Variants in ARHGEF40 observed in about 807,000 individuals in gnomAD.
ARHGEF40 encodes Rho guanine nucleotide exchange factor 40.
In ARHGEF40, 98 loss-of-function variants were observed where a neutral mutation model predicts 165.9. The observed-to-expected ratio is 0.59, with a 90% CI of 0.50 to 0.70. The LOEUF is 0.70. Ranked by LOEUF, ARHGEF40 falls within the 30% of genes least tolerant of loss-of-function variation. The pLI, the probability that ARHGEF40 is intolerant of heterozygous loss-of-function variation, is 0.00. For missense variants in ARHGEF40, 1,815 were observed against 1,968.0 expected, an observed-to-expected ratio of 0.92 and a Z score of 1.47; for synonymous variants, 792 against 814.3, an observed-to-expected ratio of 0.97 and a Z score of 0.47.
rs780570655 is a variant in ARHGEF40, at chr14:21,079,029, G to A, written c.2373+19G>A. 26 of 1,607,312 alleles carry A rather than the reference G, an allele frequency of 1.6e-5. No homozygotes were observed. Among genetic ancestry groups the A allele is most frequent in the South Asian group, 6.6e-5 (6 of 90,736 alleles). On this transcript the variant is annotated intron_variant, in intron 11 of 23. Coordinates refer to ENST00000298694, the MANE Select transcript of ARHGEF40 (RefSeq NM_018071.5). The stretch of plus-strand genomic sequence containing the variant: ...CCAGCAGGTGAGCCAGGATCCCCAC[G>A]TCCCTCTTACTCAGCCTGGGAGTGT...
intron 11 of ARHGEF40, among the ~76,000 whole-genome samples, chr14:21,079,820 T>A (rs1021105875): frequency 5.3e-5 from 8 of 152,174 alleles, no homozygotes; most frequent in African/African-American, 1.9e-4. Flanking sequence ...CTTACCTGCT[T>A]GTTAGCTGTT....
chr14:21,078,225 C>G lies in ARHGEF40; in HGVS notation c.2083C>G (p.Arg695Gly). 1 of 1,613,902 alleles carries G rather than the reference C, an allele frequency of 6.2e-7. No homozygotes were observed. The highest frequency in any genetic ancestry group is 8.5e-7 in the Non-Finnish European group (1 of 1,179,976). Reference protein sequence around the residue: ...RLCQGVLGSVRQAIEELEGAA... With the variant: ...RLCQGVLGSVGQAIEELEGAA... ...GTGCCAAGGTGTGCTGGGCTCGGTA[C>G]GGCAGGCCATTGAGGAGCTGGAGGG... The change falls in exon 9 of 24, where the codon CGG becomes GGG. Residue 695 changes from arginine (R) to glycine (G), a missense_variant. Transcript: ENST00000298694.
chr14:21,081,106 T>C, intron 13 of ARHGEF40, 90 bp downstream of exon 13: 1 of 1,522,486 alleles, frequency 6.6e-7, no homozygotes, highest in Non-Finnish European at 8.8e-7. Context: ...TTGTTAAAAG[T>C]GGAGGCTGAG....
At chr14:21,078,298 G>A (rs1305909998) in intron 9 of ARHGEF40, 26 bp downstream of exon 9, 2 of 1,610,980 alleles carry the variant, frequency 1.2e-6, no homozygotes, top group South Asian at 2.2e-5. Flanking sequence ...GGACAGTGGG[G>A]GGATGGGATT....
intron 13 of ARHGEF40, 42 bp from the exon 14 acceptor site, chr14:21,081,467 C>G: frequency 6.2e-7 from 1 of 1,606,324 alleles, no homozygotes; most frequent in South Asian, 1.1e-5. Context: ...AACACAGGCC[C>G]TTACCCTTTC....
chr14:21,082,222 G>A lies in ARHGEF40; in HGVS notation c.3252-22G>A, dbSNP rs757945816. On this transcript the variant is annotated intron_variant, in intron 14 of 23. Transcript: ENST00000298694. ...ACTGGCTCCCTCCCACACCTCCTCT[G>A]CCACTCCTATTGTGCCTGCAGTGCC... The A allele has an allele frequency of 4.4e-6, 7 of 1,593,886 alleles. No individual in the cohort carries two copies. In the East Asian group the frequency reaches 1.1e-4, roughly 26 times the overall value.
At position 21,088,822 on chromosome 14, in the gene ARHGEF40, C is replaced by G; in HGVS notation, c.4519-8C>G. 3 of 1,607,522 alleles carry G rather than the reference C, an allele frequency of 1.9e-6. No individual in the cohort carries two copies. Among genetic ancestry groups the G allele is most frequent in the Non-Finnish European group, 2.6e-6 (3 of 1,175,962 alleles). On this transcript the variant is annotated splice_region_variant and splice_polypyrimidine_tract_variant and intron_variant, in intron 22 of 23. Coordinates refer to ENST00000298694, the MANE Select transcript of ARHGEF40 (RefSeq NM_018071.5). ...TCCCTAAATTCACTGTAGCTTCTCT[C>G]CCCCCAGAGTCATGCTCGAGCCCTG...
In ARHGEF40 at chr14:21,074,188, T is replaced by C; in HGVS notation, c.458T>C (p.Ile153Thr). 1.2e-6 allele frequency: 2 copies of C among 1,614,100 alleles called. No homozygotes were observed. Among genetic ancestry groups the C allele is most frequent in the Non-Finnish European group, 1.7e-6 (2 of 1,180,022 alleles). ...TTCACACCTGAGTGGCTACAAGGCA[T>C]CAACAAGGACCGGCCAACAGGTCGC... ...YLFTPEWLQG[I>T]NKDRPTGRLS... The change falls in exon 3 of 24, where the codon ATC becomes ACC. Residue 153 changes from isoleucine (I) to threonine (T), a missense_variant. Transcript: ENST00000298694. This position sits in a 1 kb window ranked among gnomAD's most constrained non-coding sequence, Gnocchi z 4.8.
At chr14:21,067,303 C>T (rs1249389436), upstream of ARHGEF40, among the ~76,000 whole-genome samples, 3 of 151,432 alleles carry the variant, frequency 2.0e-5, no homozygotes, top group Non-Finnish European at 2.9e-5. Flanking sequence ...CTCTGACCCA[C>T]GGGGACATAT....
chr14:21,087,569 C>G (rs909526504), intron 21 of ARHGEF40, 106 bp downstream of exon 21: 1 of 1,481,496 alleles, frequency 6.7e-7, no homozygotes, highest in East Asian at 2.3e-5. Flanking sequence ...AGCCCAGTTG[C>G]CATGACAACT....
chr14:21,062,948 T>TAAA, the ARHGEF40 span, among the ~76,000 whole-genome samples: 2,107 of 128,112 alleles, frequency 0.016, 84 homozygotes, highest in African/African-American at 0.059. Context: ...ACCTTGTCTC[T>TAAA]AAAAAAAAAA....
chr14:21,070,417 G>A lies in ARHGEF40; in HGVS notation c.3+18G>A. 1.4e-6 allele frequency: 2 copies of A among 1,413,682 alleles called. No homozygotes were observed. Among genetic ancestry groups the A allele is most frequent in the Non-Finnish European group, 1.8e-6 (2 of 1,092,828 alleles). The allele number at this position is 1,413,682 out of a possible 1,614,324, so 87.6% of individuals were successfully genotyped here. ...GAGCCATGGTGAGTCCAGCGTCGCA[G>A]CCCCCTGGGTCCCCTCGGCCTTCGC... On this transcript the variant is annotated intron_variant, in intron 1 of 23. Transcript: ENST00000298694. This position sits in a 1 kb window ranked among gnomAD's most constrained non-coding sequence, Gnocchi z 4.7.
At chr14:21,068,595 A>G (rs554129635), upstream of ARHGEF40, among the ~76,000 whole-genome samples, 24 of 152,186 alleles carry the variant, frequency 1.6e-4, no homozygotes, top group East Asian at 1.4e-3. Context: ...GCCCCTGGGC[A>G]GTATTTACGG....
chr14:21,084,797 C>T lies in ARHGEF40; in HGVS notation c.3834C>T (p.Phe1278=). ...EQGQLLHRDP[F]TVICGRKKCL... is the part of the protein sequence containing the mutation. ...GACAGCTCTTGCATCGAGACCCCTT[C>T]ACTGTCATCTGTGGCCGAAAGAAGT... Residue 1278 remains phenylalanine (F), a synonymous_variant, in exon 18 of 24, where the codon TTC becomes TTT. Transcript: ENST00000298694. 1 of 1,614,172 alleles carries T rather than the reference C, an allele frequency of 6.2e-7. No homozygotes were observed. Among genetic ancestry groups the T allele is most frequent in the East Asian group, 2.2e-5 (1 of 44,888 alleles).
rs542117445 is a variant in ARHGEF40, at chr14:21,081,289, T to A, written c.2641-220T>A. The stretch of plus-strand genomic sequence containing the variant: ...GCACAGAGCCTGCCACTCATAAATG[T>A]CGTATGAGTACCGGTTATTCTTTTA... On this transcript the variant is annotated intron_variant, in intron 13 of 23. Transcript: ENST00000298694. The A allele has an allele frequency of 5.2e-5, 40 of 774,576 alleles. No individual in the cohort carries two copies. The African/African-American group carries it at 6.7e-4, about 13-fold the overall frequency. 48.0% of individuals were successfully genotyped at this position (774,576 alleles called of 1,614,324 possible).
At chr14:21,061,478 G>A in the ARHGEF40 span, among the ~76,000 whole-genome samples, 1 of 152,112 alleles carries the variant, frequency 6.6e-6, no homozygotes, top group African/African-American at 2.4e-5. Flanking sequence ...CACTCTGAGG[G>A]TAATGACACA....
chr14:21,075,727 G>T lies in ARHGEF40; in HGVS notation c.1701G>T (p.Thr567=). 6.2e-7 allele frequency: 1 copy of T among 1,613,536 alleles called. No individual in the cohort carries two copies. Among genetic ancestry groups the T allele is most frequent in the Non-Finnish European group, 8.5e-7 (1 of 1,179,948 alleles). ...AGGAGCCCCCACCCTCCCGAGACAC[G>T]CTGAACACAACTCTTCATTACCTCC... The part of the protein sequence containing the change: ...PPEEPPPSRD[T]LNTTLHYLHS... The change falls in exon 5 of 24, where the codon ACG becomes ACT. Residue 567 remains threonine, a synonymous_variant. Coordinates refer to ENST00000298694, the MANE Select transcript of ARHGEF40 (RefSeq NM_018071.5). The surrounding 1 kb of genome is among the most constrained non-coding windows in gnomAD (Gnocchi z 4.5).
chr14:21,075,412 A>G lies in ARHGEF40; in HGVS notation c.1531A>G (p.Ile511Val), dbSNP rs765198173. The G allele has an allele frequency of 2.9e-5, 47 of 1,614,120 alleles. No individual in the cohort carries two copies. Among genetic ancestry groups the G allele is most frequent in the Non-Finnish European group, 4.0e-5 (47 of 1,180,054 alleles). Residue 511 changes from isoleucine to valine, a missense_variant, in exon 4 of 24, where the codon ATT (isoleucine) becomes GTT (valine). Transcript: ENST00000298694. The surrounding 1 kb of genome is among the most constrained non-coding windows in gnomAD (Gnocchi z 4.5). Reference sequence around the variant, plus strand: ...TGTGCAGGAAGGAAAAGGGGACAACATTCCAGAAGAGGCCCTTGCAGTCTC... The same window carrying G: ...TGTGCAGGAAGGAAAAGGGGACAACGTTCCAGAAGAGGCCCTTGCAGTCTC... ...ETVQEGKGDN[I>V]PEEALAVSVS...
At position 21,081,826 on chromosome 14, in the gene ARHGEF40, G is replaced by A. The variant is rs771900988; in HGVS notation, c.2958G>A (p.Ser986=). Residue 986 remains serine, a synonymous_variant, in exon 14 of 24, where the codon TCG becomes TCA. Transcript: ENST00000298694. ...GGAQWGPRSP[S]PSLSSLLLPS... ...CCCAGTGGGGGCCCCGCAGCCCCTCGCCCAGCCTCAGCTCCTTGCTGCTCC... is the reference window on the plus strand; with the variant it reads ...CCCAGTGGGGGCCCCGCAGCCCCTCACCCAGCCTCAGCTCCTTGCTGCTCC... The A allele has an allele frequency of 1.6e-5, 26 of 1,607,842 alleles. 1 individual carries two copies. Among genetic ancestry groups the A allele is most frequent in the Middle Eastern group, 1.8e-4 (1 of 5,698 alleles).
Sources: allele counts gnomAD v4.1 joint callset (sites outside exome capture counted in the v4.1 genomes callset), GRCh38; gene constraint gnomAD v4.1.1; non-coding constraint Gnocchi (gnomAD v3.1); transcripts MANE v1.5; gene names NCBI Gene and HGNC (gene_info 2026-07-23, HGNC 2026-07-21).